Variants in ADGRB3 observed in about 807,000 individuals in gnomAD.
The protein encoded by ADGRB3 is brain-specific angiogenesis inhibitor 3.
In ADGRB3, 37 loss-of-function variants were observed where a neutral mutation model predicts 193.4. The ratio of observed to expected loss-of-function variants is 0.19; its 90% confidence interval spans 0.15 to 0.25. The LOEUF is 0.25. ADGRB3 is among the 10% of genes least tolerant of loss of function. The pLI is 1.00. For missense variants in ADGRB3, 1,637 were observed against 1,852.9 expected, an observed-to-expected ratio of 0.88 and a Z score of 2.14; for synonymous variants, 690 against 644.2, an observed-to-expected ratio of 1.07 and a Z score of -1.08.
At chr6:68,899,435 T>C (rs1312024333) in intron 3 of ADGRB3, among the ~76,000 whole-genome samples, 8 of 100,974 alleles carry the variant, frequency 7.9e-5, no homozygotes, top group African/African-American at 1.6e-4. Context: ...CTGCTATCCC[T>C]CCCCCCTCCC....
intron 3 of ADGRB3, among the ~76,000 whole-genome samples, chr6:68,910,607 T>C (rs1451889772): frequency 2.0e-5 from 3 of 152,230 alleles, no homozygotes; most frequent in Admixed American, 6.5e-5. Flanking sequence ...GGGATCCAGT[T>C]TCAGCTTTCT....
intron 3 of ADGRB3, among the ~76,000 whole-genome samples, chr6:68,772,904 T>A (rs1249083518): frequency 9.8e-4 from 26 of 26,422 alleles, no homozygotes; most frequent in South Asian, 3.6e-3. Context: ...AATATATATA[T>A]ATATATATAT....
chr6:68,714,910 A>G (rs1226073484), intron 3 of ADGRB3, among the ~76,000 whole-genome samples: 1 of 151,658 alleles, frequency 6.6e-6, no homozygotes, highest in African/African-American at 2.4e-5. Context: ...TCTCATCTGT[A>G]AAAAAAGGTT....
rs1054212978 is a variant in ADGRB3, at chr6:68,767,492, C to G, written c.757+128060C>G. Among the ~76,000 whole-genome samples, 4 of 152,218 alleles carry G rather than the reference C, an allele frequency of 2.6e-5. No homozygotes were observed. The South Asian group carries it at 8.3e-4, about 32-fold the overall frequency. On this transcript the variant is annotated intron_variant, in intron 3 of 31. Transcript: ENST00000370598. ...AATGTCTTTGATATAATTCAACACC[C>G]CTTCATGCTAAAAACTCTTAATAAA...
intron 2 of ADGRB3, among the ~76,000 whole-genome samples, chr6:68,638,057 C>A (rs1767996970): frequency 6.6e-6 from 1 of 152,162 alleles, no homozygotes. Context: ...CACATGGTGG[C>A]CCCTGCAAAG....
At chr6:69,118,489 C>T (rs893930473) in intron 17 of ADGRB3, among the ~76,000 whole-genome samples, 1 of 151,974 alleles carries the variant, frequency 6.6e-6, no homozygotes, top group Non-Finnish European at 1.5e-5. Flanking sequence ...TGTCTGTCAC[C>T]CATCTTCTCT....
intron 17 of ADGRB3, among the ~76,000 whole-genome samples, chr6:69,077,581 G>T (rs1772269210): frequency 1.3e-5 from 2 of 151,920 alleles, no homozygotes; most frequent in African/African-American, 4.8e-5. Flanking sequence ...TGTGCCTCCT[G>T]TTGGCTACTT....
At chr6:69,055,375 A>C (rs1189541481) in intron 15 of ADGRB3, among the ~76,000 whole-genome samples, 1 of 152,234 alleles carries the variant, frequency 6.6e-6, no homozygotes, top group Non-Finnish European at 1.5e-5. Context: ...TGTAAGTGGA[A>C]TCATGCAGTA....
At chr6:69,065,283 C>T (rs906526685) in intron 16 of ADGRB3, among the ~76,000 whole-genome samples, 1 of 152,086 alleles carries the variant, frequency 6.6e-6, no homozygotes, top group Non-Finnish European at 1.5e-5. Flanking sequence ...AAGAAAAAGT[C>T]TCTAGGCGCT....
At chr6:69,215,453 CGTGTGTGTGT>C (rs10651298) in intron 17 of ADGRB3, among the ~76,000 whole-genome samples, 3 of 146,610 alleles carry the variant, frequency 2.0e-5, no homozygotes, top group African/African-American at 5.0e-5. Context: ...TGAACAGAAA[CGTGTGTGTGT>C]GTGTGTGTGT....
intron 3 of ADGRB3, among the ~76,000 whole-genome samples, chr6:68,896,756 G>A (rs896082940): frequency 1.3e-5 from 2 of 152,120 alleles, no homozygotes; most frequent in East Asian, 1.9e-4. Context: ...CTAAATCATC[G>A]CCTATCCAAT....
rs1010268207 is a variant in ADGRB3 at position 68,763,710 on chromosome 6, T to C, written c.757+124278T>C. 2.6e-5 allele frequency among the ~76,000 whole-genome samples: 4 copies of C among 152,310 alleles called. No homozygotes were observed. The East Asian group carries it at 5.8e-4, about 22-fold the overall frequency. ...GATAATCACACTTTATATTTTTTTG[T>C]TTTAGAAGAGTTGCTATTTTTCTTT... On this transcript the variant is annotated intron_variant, in intron 3 of 31. Coordinates refer to ENST00000370598, the MANE Select transcript of ADGRB3 (RefSeq NM_001704.3).
intron 3 of ADGRB3, among the ~76,000 whole-genome samples, chr6:68,750,855 G>T (rs1766184367): frequency 6.6e-6 from 1 of 152,142 alleles, no homozygotes; most frequent in South Asian, 2.1e-4. Context: ...AACAACCATT[G>T]TCTAAGTTAC....
chr6:69,024,826 C>T lies in ADGRB3; in HGVS notation c.2107+6327C>T, dbSNP rs62416761. On this transcript the variant is annotated intron_variant, in intron 13 of 31. Coordinates refer to ENST00000370598, the MANE Select transcript of ADGRB3 (RefSeq NM_001704.3). ...ATATTAAGGCGACCGGGCACGGTGG[C>T]TCACGCCTGTAATCCCAGCACTTTG... 2.9e-3 allele frequency among the ~76,000 whole-genome samples: 447 copies of T among 152,322 alleles called. 2 individuals are homozygous for T. The highest frequency in any genetic ancestry group is 6.8e-3 in the Middle Eastern group (2 of 294).
At chr6:69,216,945 C>T (rs1451709695) in intron 17 of ADGRB3, among the ~76,000 whole-genome samples, 2 of 152,196 alleles carry the variant, frequency 1.3e-5, no homozygotes, top group Non-Finnish European at 2.9e-5. Flanking sequence ...CTCCTGAATG[C>T]TGTCCTACCT....
rs1768013303 is a variant in ADGRB3 at position 68,638,931 on chromosome 6, C to G, written c.256C>G (p.Leu86Val). 1 of 1,613,990 alleles carries G rather than the reference C, an allele frequency of 6.2e-7. No individual in the cohort carries two copies. The highest frequency in any genetic ancestry group is 1.7e-5 in the Admixed American group (1 of 60,000). Residue 86 changes from leucine (L) to valine (V), a missense_variant, in exon 3 of 32, where the codon CTG becomes GTG. Leu to Val is a conservative substitution (Grantham distance 32, BLOSUM62 1). Transcript: ENST00000370598. ...KDLSCSNFSL[L>V]AYQFDHFSHE... is the part of the protein sequence containing the mutation. Reference sequence around the variant, plus strand: ...CCTTAGCTGCTCTAACTTTTCACTCCTGGCTTATCAGTTTGATCATTTTTC... The same window carrying G: ...CCTTAGCTGCTCTAACTTTTCACTCGTGGCTTATCAGTTTGATCATTTTTC...
At chr6:69,344,288 T>C (rs745976043) in intron 26 of ADGRB3, among the ~76,000 whole-genome samples, 114 of 152,232 alleles carry the variant, frequency 7.5e-4, no homozygotes, top group Non-Finnish European at 1.4e-3. Context: ...TGGCAGGAGG[T>C]CTAGGCTGCA....
At chr6:69,228,759 A>G (rs1338116056) in intron 17 of ADGRB3, among the ~76,000 whole-genome samples, 1 of 152,244 alleles carries the variant, frequency 6.6e-6, no homozygotes, top group Non-Finnish European at 1.5e-5. Context: ...TTCATAGGAC[A>G]TGTTCAGTAC....
At chr6:68,709,588 G>T (rs1021779905) in intron 3 of ADGRB3, among the ~76,000 whole-genome samples, 8 of 152,128 alleles carry the variant, frequency 5.3e-5, no homozygotes, top group Admixed American at 5.2e-4. Context: ...CAACATTTCA[G>T]CTGGAGGTGT....
Sources: allele counts gnomAD v4.1 joint callset (sites outside exome capture counted in the v4.1 genomes callset), GRCh38; gene constraint gnomAD v4.1.1; transcripts MANE v1.5; gene names NCBI Gene and HGNC (gene_info 2026-07-23, HGNC 2026-07-21).